Variants in JPH1 observed in about 807,000 individuals in gnomAD.
The protein encoded by JPH1 is junctophilin 1.
In JPH1, 12 loss-of-function variants were observed where a neutral mutation model predicts 53.6. The ratio of observed to expected loss-of-function variants is 0.22; its 90% confidence interval spans 0.14 to 0.36. The LOEUF is 0.36. Among genes scored for constraint, JPH1 ranks in the 10% least tolerant of loss-of-function variants. The pLI is 1.00. For missense variants in JPH1, 808 were observed against 905.5 expected, an observed-to-expected ratio of 0.89 and a Z score of 1.38; for synonymous variants, 375 against 363.8, an observed-to-expected ratio of 1.03 and a Z score of -0.35.
chr8:74,286,592 C>T (rs962942825), intron 2 of JPH1, among the ~76,000 whole-genome samples: 3 of 152,206 alleles, frequency 2.0e-5, no homozygotes, highest in Admixed American at 1.3e-4. Context: ...CCTTCCCCTA[C>T]AGTTCATTTC....
chr8:74,259,540 A>G lies in JPH1; in HGVS notation c.1140-37T>C, dbSNP rs6981082. ...ACAAAAGGACGAGTCAGCATAGGTGACCCCTTGTTACTTACACAGGGACAA... is the reference window on the plus strand; with the variant it reads ...ACAAAAGGACGAGTCAGCATAGGTGGCCCCTTGTTACTTACACAGGGACAA... On this transcript the variant is annotated intron_variant, in intron 2 of 5. Coordinates refer to ENST00000342232, the MANE Select transcript of JPH1 (RefSeq NM_020647.4). 31,471 of 1,377,294 alleles carry G rather than the reference A, an allele frequency of 0.023. 3,691 individuals are homozygous for G. In the African/African-American group the frequency reaches 0.31, roughly 14 times the overall value. 85.3% of individuals were successfully genotyped at this position (1,377,294 alleles called of 1,614,324 possible). A position where few individuals can be genotyped will look rare whatever the true frequency, so the allele number is the denominator to read the frequency against.
chr8:74,288,974 G>A (rs1807246631), intron 2 of JPH1, among the ~76,000 whole-genome samples: 1 of 152,168 alleles, frequency 6.6e-6, no homozygotes, highest in Non-Finnish European at 1.5e-5. Context: ...CTTCTTTTGT[G>A]CATGGAGTGA....
chr8:74,288,448 C>T (rs1202942613), intron 2 of JPH1, among the ~76,000 whole-genome samples: 1 of 152,160 alleles, frequency 6.6e-6, no homozygotes, highest in African/African-American at 2.4e-5. Flanking sequence ...TGATGAACGA[C>T]TTTGGGGTGA....
At chr8:74,280,915 T>G (rs1806995826) in intron 2 of JPH1, among the ~76,000 whole-genome samples, 2 of 152,206 alleles carry the variant, frequency 1.3e-5, no homozygotes, top group African/African-American at 2.4e-5. Context: ...AAGGTTATTA[T>G]TCGCTCTAAT....
intron 3 of JPH1, among the ~76,000 whole-genome samples, chr8:74,250,169 C>T (rs1348126406): frequency 4.0e-5 from 6 of 149,398 alleles, no homozygotes; most frequent in African/African-American, 9.9e-5. Flanking sequence ...GAGTCTTGCT[C>T]TGTCACCCAG....
intron 2 of JPH1, among the ~76,000 whole-genome samples, chr8:74,302,025 C>G (rs1807697257): frequency 6.6e-6 from 1 of 152,226 alleles, no homozygotes; most frequent in African/African-American, 2.4e-5. Context: ...TGTGAATTTC[C>G]TATGCCTCAG....
chr8:74,241,491 G>A lies in JPH1; in HGVS notation c.1905+3038C>T, dbSNP rs565575890. Among the ~76,000 whole-genome samples the A allele has an allele frequency of 2.6e-5, 4 of 152,290 alleles. No individual in the cohort carries two copies. The South Asian group carries it at 8.3e-4, about 32-fold the overall frequency. ...GTCTTGATTGGAAGAAATTTTCCAGGTGGTAAGAAAATAAAAAACAGGAAA... is the reference window on the plus strand; with the variant it reads ...GTCTTGATTGGAAGAAATTTTCCAGATGGTAAGAAAATAAAAAACAGGAAA... On this transcript the variant is annotated intron_variant, in intron 4 of 5. Transcript: ENST00000342232.
Position 74,237,035 on chromosome 8 carries a change from A to G in JPH1, c.*16T>C, listed in dbSNP as rs141241103. On this transcript the variant is annotated splice_region_variant and 3_prime_UTR_variant, in exon 6 of 6. Coordinates refer to ENST00000342232, the MANE Select transcript of JPH1 (RefSeq NM_020647.4). ...ACACACCACTAGTTGTCAGGACTTC[A>G]CTGAAGGGTCAAAACAGTTATAGCA... 303 of 571,550 alleles carry G rather than the reference A, an allele frequency of 5.3e-4. 1 individual carries two copies. The highest frequency in any genetic ancestry group is 7.9e-4 in the Non-Finnish European group (253 of 318,794). The allele number at this position is 571,550 out of a possible 1,614,324, so 35.4% of individuals were successfully genotyped here. A position where few individuals can be genotyped will look rare whatever the true frequency, so the allele number is the denominator to read the frequency against.
intron 2 of JPH1, among the ~76,000 whole-genome samples, chr8:74,292,434 G>A (rs1395697082): frequency 6.6e-6 from 1 of 152,188 alleles, no homozygotes; most frequent in Non-Finnish European, 1.5e-5. Context: ...AATACACACT[G>A]CGGAGGGGTC....
intron 3 of JPH1, among the ~76,000 whole-genome samples, chr8:74,251,144 T>C (rs531867849): frequency 6.6e-6 from 1 of 152,308 alleles, no homozygotes; most frequent in East Asian, 1.9e-4. Flanking sequence ...TTCCCCATAA[T>C]AGAAACGTCC....
intron 3 of JPH1, among the ~76,000 whole-genome samples, chr8:74,256,551 TCAAA>T (rs201452478): frequency 0.025 from 3,585 of 144,962 alleles, 132 homozygotes; most frequent in African/African-American, 0.083. Flanking sequence ...AAAAAAGAAC[TCAAA>T]CAAATTTACA....
At position 74,315,329 on chromosome 8, in the gene JPH1, C is replaced by G. The variant is rs751877976; in HGVS notation, c.671G>C (p.Arg224Pro). 8.7e-6 allele frequency: 14 copies of G among 1,613,720 alleles called. No individual in the cohort carries two copies. The highest frequency in any genetic ancestry group is 1.1e-5 in the South Asian group (1 of 91,082). ...GATGGAAGACTTGGATTCGGACTTG[C>G]GAAGTTTCATGCTTCCAAGAAGGGA... The part of the protein sequence containing the change: ...RGSLLGSMKL[R>P]KSESKSSISS... The change falls in exon 2 of 6, where the codon CGC (arginine) becomes CCC (proline). Residue 224 changes from arginine (R) to proline (P), a missense_variant. By Grantham distance (103) the Arg-to-Pro change is moderately radical. Transcript: ENST00000342232. The surrounding 1 kb of genome is among the most constrained non-coding windows in gnomAD (Gnocchi z 6.3).
chr8:74,253,300 CATAACGA>C (rs949370424), intron 3 of JPH1, among the ~76,000 whole-genome samples: 2 of 151,956 alleles, frequency 1.3e-5, no homozygotes, highest in Non-Finnish European at 2.9e-5. Flanking sequence ...CTACTAGGTA[CATAACGA>C]AATGAAGGCA....
intron 4 of JPH1, among the ~76,000 whole-genome samples, chr8:74,243,216 T>C (rs1805748488): frequency 6.6e-6 from 1 of 152,216 alleles, no homozygotes; most frequent in Admixed American, 6.5e-5. Flanking sequence ...ATTTAACAAA[T>C]TCAATAGTGA....
intron 2 of JPH1, among the ~76,000 whole-genome samples, chr8:74,305,128 T>TG (rs1375346119): frequency 6.6e-6 from 1 of 152,254 alleles, no homozygotes; most frequent in Non-Finnish European, 1.5e-5. Flanking sequence ...CTAAACACAA[T>TG]GTTCATATTT....
chr8:74,315,017 T>G lies in JPH1; in HGVS notation c.983A>C (p.Glu328Ala), dbSNP rs777220304. The change falls in exon 2 of 6, where the codon GAG (glutamate) becomes GCG (alanine). Residue 328 changes from glutamate to alanine, a missense_variant. By Grantham distance (107) the Glu-to-Ala change is moderately radical (BLOSUM62 -1). Around this residue, in one of 2 missense-constraint regions of JPH1, gnomAD observed 756 missense variants for 811.9 expected, o/e 0.93. Transcript: ENST00000342232. This position sits in a 1 kb window ranked among gnomAD's most constrained non-coding sequence, Gnocchi z 6.3. ...CAGAATATTATTTTTGTATTTTCCC[T>G]CTTCTTTGGAGCCGTCAGGAAACAC... is the stretch of plus-strand genomic sequence containing the variant. ...CTVFPDGSKEEGKYKNNILVR... is the reference protein window; with the variant it reads ...CTVFPDGSKEAGKYKNNILVR... 1 of 1,614,190 alleles carries G rather than the reference T, an allele frequency of 6.2e-7. No homozygotes were observed. Among genetic ancestry groups the G allele is most frequent in the Non-Finnish European group, 8.5e-7 (1 of 1,180,022 alleles).
rs879064707 is a variant in JPH1, at chr8:74,259,521, G to A, written c.1140-18C>T. On this transcript the variant is annotated intron_variant, in intron 2 of 5. Coordinates refer to ENST00000342232, the MANE Select transcript of JPH1 (RefSeq NM_020647.4). ...GTGCAGTCCTACACGGGGCACAAAA[G>A]GACGAGTCAGCATAGGTGACCCCTT... The A allele has an allele frequency of 6.5e-7, 1 of 1,533,280 alleles. No homozygotes were observed. Among genetic ancestry groups the A allele is most frequent in the South Asian group, 1.2e-5 (1 of 82,918 alleles). The allele number at this position is 1,533,280 out of a possible 1,614,324, so 95.0% of individuals were successfully genotyped here. A position where few individuals can be genotyped will look rare whatever the true frequency, so the allele number is the denominator to read the frequency against.
chr8:74,266,213 A>G (rs1806527225), intron 2 of JPH1, among the ~76,000 whole-genome samples: 1 of 152,134 alleles, frequency 6.6e-6, no homozygotes, highest in African/African-American at 2.4e-5. Flanking sequence ...CAAAGGCGGA[A>G]GCAATCCTAA....
chr8:74,244,822 T>G lies in JPH1; in HGVS notation c.1612A>C (p.Ile538Leu). The change falls in exon 4 of 6, where the codon ATC (isoleucine) becomes CTC (leucine). Residue 538 changes from isoleucine (I) to leucine (L), a missense_variant. By Grantham distance (5) the Ile-to-Leu change is conservative. Coordinates refer to ENST00000342232, the MANE Select transcript of JPH1 (RefSeq NM_020647.4). Reference protein sequence around the residue: ...PQSKYSGRHHIPNPSNGELHS... With the variant: ...PQSKYSGRHHLPNPSNGELHS... ...AGCTCCCCGTTACTGGGGTTGGGGATGTGGTGGCGGCCAGAGTACTTGGAC... is the reference window on the plus strand; with the variant it reads ...AGCTCCCCGTTACTGGGGTTGGGGAGGTGGTGGCGGCCAGAGTACTTGGAC... 6.2e-7 allele frequency: 1 copy of G among 1,614,126 alleles called. No individual in the cohort carries two copies. The highest frequency in any genetic ancestry group is 8.5e-7 in the Non-Finnish European group (1 of 1,180,006).
Sources: gnomAD v4.1 joint callset for allele counts (sites outside exome capture counted in the v4.1 genomes callset) on GRCh38, gnomAD v4.1.1 for gene constraint, gnomAD v4.1.1 regional missense constraint, Gnocchi (gnomAD v3.1) non-coding constraint, MANE v1.5 for transcripts, NCBI Gene and HGNC (gene_info 2026-07-23, HGNC 2026-07-21) for gene names.